Variants in LBP observed in about 807,000 individuals in gnomAD.
The protein encoded by LBP is lipopolysaccharide-binding protein.
Under a neutral mutation model 56.6 loss-of-function variants are expected in LBP, and 53 were observed. The ratio of observed to expected loss-of-function variants is 0.94; its 90% CI spans 0.75 to 1.18. LBP has a LOEUF of 1.18. LBP is among the 50% of genes most tolerant of loss of function. The probability of loss-of-function intolerance (pLI) is 0.00; values close to 1 mark genes in which losing one functional copy is unlikely to be tolerated. For synonymous variants in LBP, 227 were observed against 247.5 expected, an observed-to-expected ratio of 0.92 and a Z score of 0.78; for missense variants, 601 against 598.3, an observed-to-expected ratio of 1.00 and a Z score of -0.05.
intron 1 of LBP, among the ~76,000 whole-genome samples, chr20:38,347,433 A>G (rs2076804878): frequency 6.6e-6 from 1 of 152,062 alleles, no homozygotes; most frequent in Non-Finnish European, 1.5e-5. Context: ...AATCCCAGCT[A>G]CTTGGGAGGC....
chr20:38,374,336 C>T (rs1739641), intron 14 of LBP, among the ~76,000 whole-genome samples: 66,155 of 151,982 alleles, frequency 0.44, 14,697 homozygotes, highest in Non-Finnish European at 0.46. Context: ...CAGTGGCTCA[C>T]GCCTGTAATC....
Position 38,355,448 on chromosome 20 carries a change from C to A in LBP, c.588+39C>A, listed in dbSNP as rs559029199. ...AGCCTCTGGCCTCCCCCGAGCTTGG[C>A]GAGGGCTGAATGGAAGACCTCACTG... On this transcript the variant is annotated intron_variant, in intron 5 of 14. Coordinates refer to ENST00000217407, the MANE Select transcript of LBP (RefSeq NM_004139.5). The A allele has an allele frequency of 3.2e-6, 5 of 1,575,424 alleles. No individual in the cohort carries two copies. The South Asian group carries it at 5.5e-5, about 17-fold the overall frequency.
At chr20:38,361,922 G>T (rs1472192745) in intron 6 of LBP, among the ~76,000 whole-genome samples, 1 of 151,912 alleles carries the variant, frequency 6.6e-6, no homozygotes, top group African/African-American at 2.4e-5. Context: ...GATTAGTTTT[G>T]CACTTTGCAC....
chr20:38,360,545 T>C (rs1357330032), intron 5 of LBP, among the ~76,000 whole-genome samples, 159 bp from the exon 6 acceptor site: 1 of 152,176 alleles, frequency 6.6e-6, no homozygotes, highest in Non-Finnish European at 1.5e-5. Context: ...TTTTATTGTT[T>C]GTATTTCCTT....
chr20:38,371,030 G>A (rs1350956084), intron 11 of LBP, among the ~76,000 whole-genome samples: 1 of 152,156 alleles, frequency 6.6e-6, no homozygotes, highest in African/African-American at 2.4e-5. Flanking sequence ...AATTTTAGAA[G>A]CCAGCTATAT....
chr20:38,376,151 T>C (rs2083957417), intron 14 of LBP, among the ~76,000 whole-genome samples: 1 of 152,154 alleles, frequency 6.6e-6, no homozygotes, highest in East Asian at 1.9e-4. Context: ...TTAGATTTAT[T>C]ATATATTATA....
At chr20:38,367,731 A>G (rs1038327284) in intron 9 of LBP, among the ~76,000 whole-genome samples, 7 of 152,230 alleles carry the variant, frequency 4.6e-5, no homozygotes, top group Non-Finnish European at 1.5e-5. Context: ...TCAGCCTTCC[A>G]AATGTCTCCC....
chr20:38,362,207 C>T (rs1404420596), intron 6 of LBP, among the ~76,000 whole-genome samples: 1 of 150,696 alleles, frequency 6.6e-6, no homozygotes, highest in East Asian at 2.0e-4. Context: ...TACAGGCGCC[C>T]GCCACCACGT....
At chr20:38,361,041 A>AC (rs2076858402) in intron 6 of LBP, among the ~76,000 whole-genome samples, 1 of 151,876 alleles carries the variant, frequency 6.6e-6, no homozygotes. Context: ...GCATGCCTGT[A>AC]ATCCCAGCTA....
intron 8 of LBP, among the ~76,000 whole-genome samples, chr20:38,365,417 C>A (rs1348140874): frequency 6.6e-6 from 1 of 151,768 alleles, no homozygotes; most frequent in African/African-American, 2.4e-5. Context: ...GTGAATGAGG[C>A]CGGGCAAGGT....
In LBP at chr20:38,355,575, G is replaced by C. The variant is rs6025117; in HGVS notation, c.588+166G>C. On this transcript the variant is annotated intron_variant, in intron 5 of 14. Coordinates refer to ENST00000217407, the MANE Select transcript of LBP (RefSeq NM_004139.5). The stretch of plus-strand genomic sequence containing the variant: ...TGCCCAGGTCATGGAGCTGTTGTGG[G>C]GCACGCTGGGGACAAAGCTCCAAGT... Among the ~76,000 whole-genome samples the C allele has an allele frequency of 2.3e-3, 346 of 152,242 alleles. 4 individuals carry two copies. The highest frequency in any genetic ancestry group is 7.8e-3 in the African/African-American group (325 of 41,538).
At chr20:38,365,890 C>T (rs6025195) in intron 8 of LBP, among the ~76,000 whole-genome samples, 3,876 of 151,916 alleles carry the variant, frequency 0.026, 163 homozygotes, top group African/African-American at 0.088. Flanking sequence ...TCAAACCTGT[C>T]GGGGAGCTTC....
chr20:38,364,192 GC>G (rs2076872309), intron 7 of LBP, 126 bp downstream of exon 7: 3 of 693,152 alleles, frequency 4.3e-6, no homozygotes, highest in Admixed American at 4.6e-5. Flanking sequence ...TTTGTCAAGG[GC>G]CGGGTGATAT....
rs2232604 is a variant in LBP, at chr20:38,364,505, T to G, written c.745-71T>G. On this transcript the variant is annotated intron_variant, in intron 7 of 14. Transcript: ENST00000217407. Reference sequence around the variant, plus strand: ...GCCAGCGTCCCTTCATCGGACTGTGTAGGGGAATACCTAGCCCCTGCCCCA... The same window carrying G: ...GCCAGCGTCCCTTCATCGGACTGTGGAGGGGAATACCTAGCCCCTGCCCCA... 23 of 1,414,904 alleles carry G rather than the reference T, an allele frequency of 1.6e-5. No individual in the cohort carries two copies. In the Admixed American group the frequency reaches 2.5e-4, roughly 15 times the overall value. The allele number at this position is 1,414,904 out of a possible 1,614,324, so 87.6% of individuals were successfully genotyped here.
intron 5 of LBP, among the ~76,000 whole-genome samples, chr20:38,359,594 ACAAC>A (rs1332272723): frequency 1.5e-5 from 2 of 131,886 alleles, no homozygotes; most frequent in African/African-American, 7.7e-5. Context: ...AAAACAAACA[ACAAC>A]AAAAAAAAAA....
At chr20:38,365,705 AAAAAAAAAAAAAATAT>A (rs1198565674) in intron 8 of LBP, among the ~76,000 whole-genome samples, 16 of 67,458 alleles carry the variant, frequency 2.4e-4, no homozygotes, top group African/African-American at 9.6e-4. Context: ...TCAAAAAAAA[AAAAAAAAAAAAAATAT>A]ATATATATAT....
chr20:38,355,656 G>A (rs1176235747), intron 5 of LBP, among the ~76,000 whole-genome samples: 1 of 152,126 alleles, frequency 6.6e-6, no homozygotes, highest in Non-Finnish European at 1.5e-5. Context: ...AACAGCAGGG[G>A]CTAAACAGAG....
chr20:38,364,066 G>C lies in LBP; in HGVS notation c.744G>C (p.Lys248Asn). 6.2e-7 allele frequency: 1 copy of C among 1,610,288 alleles called. No homozygotes were observed. The highest frequency in any genetic ancestry group is 8.5e-7 in the Non-Finnish European group (1 of 1,176,558). The change falls in exon 7 of 15, where the codon AAG (lysine) becomes AAC (asparagine). Residue 248 changes from lysine (K) to asparagine (N), a missense_variant and splice_region_variant. Physicochemically the swap from Lys to Asn is moderately conservative, Grantham distance 94. Coordinates refer to ENST00000217407, the MANE Select transcript of LBP (RefSeq NM_004139.5). Reference sequence around the variant, plus strand: ...CCCAGATGCTGGAGGTGATGTTTAAGGTGAGGGTCCTGGGGCCGGGCTGCG... The same window carrying C: ...CCCAGATGCTGGAGGTGATGTTTAACGTGAGGGTCCTGGGGCCGGGCTGCG... ...ATAQMLEVMF[K>N]GEIFHRNHRS...
chr20:38,374,950 A>ATTTTT (rs370110558), intron 14 of LBP, among the ~76,000 whole-genome samples: 13 of 127,140 alleles, frequency 1.0e-4, no homozygotes, highest in South Asian at 2.6e-4. Flanking sequence ...CTCCCAGCTA[A>ATTTTT]TTTTTTTTTT....
Sources: gnomAD v4.1 joint callset for allele counts (sites outside exome capture counted in the v4.1 genomes callset) on GRCh38, gnomAD v4.1.1 for gene constraint, MANE v1.5 for transcripts, NCBI Gene and HGNC (gene_info 2026-07-23, HGNC 2026-07-21) for gene names.